MAGOHB: variants seen among roughly 807,000 people sequenced by gnomAD.
MAGOHB encodes protein mago nashi homolog 2.
In MAGOHB, 15 loss-of-function variants were observed where a neutral mutation model predicts 20.9. The ratio of observed to expected loss-of-function variants is 0.72; its 90% CI spans 0.48 to 1.11. The LOEUF (loss-of-function observed/expected upper bound fraction) is 1.11, where lower values mean the gene tolerates loss of function less well. Ranked by LOEUF, MAGOHB falls within the 50% of genes least tolerant of loss-of-function variation. The pLI is 0.00. For missense variants in MAGOHB, 162 were observed against 177.6 expected, an observed-to-expected ratio of 0.91 and a Z score of 0.50; for synonymous variants, 50 against 57.9, an observed-to-expected ratio of 0.86 and a Z score of 0.62.
downstream of MAGOHB, among the ~76,000 whole-genome samples, chr12:10,600,072 CTGTT>C (rs1221154282): frequency 6.6e-5 from 10 of 152,094 alleles, no homozygotes; most frequent in East Asian, 1.9e-3. Context: ...CTTTTTCTAT[CTGTT>C]TATTTCAAGT....
chr12:10,613,368 C>G (rs1011602694), intron 1 of MAGOHB, 71 bp downstream of exon 1: 1 of 1,355,408 alleles, frequency 7.4e-7, no homozygotes, highest in Non-Finnish European at 1.1e-6. Flanking sequence ...GCCGCCTGTA[C>G]CCTCCACACC....
intron 1 of MAGOHB, 129 bp from the exon 2 acceptor site, chr12:10,610,809 T>A: frequency 1.2e-6 from 1 of 864,242 alleles, no homozygotes; most frequent in Non-Finnish European, 1.6e-6. Flanking sequence ...CCTCCTTGTG[T>A]AAGATCATTG....
At chr12:10,602,846 G>A (rs16922006), downstream of MAGOHB, among the ~76,000 whole-genome samples, 20,631 of 151,968 alleles carry the variant, frequency 0.14, 2,513 homozygotes, top group African/African-American at 0.33. Context: ...TCAAACCTCA[G>A]TGGTTTATCA....
Position 10,610,575 on chromosome 12 carries a change from TGCAAAA to T in MAGOHB, c.153+41_153+46del, listed in dbSNP as rs780738393. On this transcript the variant is annotated intron_variant, in intron 2 of 4. Coordinates refer to ENST00000320756, the MANE Select transcript of MAGOHB (RefSeq NM_018048.5). ...ACAGACTTGAAGAAAATGGGCTAAATGCAAAAAAAAAAAAAAAAAAAAAAAAGACAT... is the reference window on the plus strand; with the variant it reads ...ACAGACTTGAAGAAAATGGGCTAAATAAAAAAAAAAAAAAAAAAAAGACAT... 8,471 of 1,200,468 alleles carry T rather than the reference TGCAAAA, an allele frequency of 7.1e-3. 132 individuals are homozygous for T. The highest frequency in any genetic ancestry group is 0.024 in the East Asian group (799 of 32,826). The allele number at this position is 1,200,468 out of a possible 1,614,324, so 74.4% of individuals were successfully genotyped here.
intron 4 of MAGOHB, among the ~76,000 whole-genome samples, chr12:10,606,970 A>G (rs1191736768): frequency 6.6e-6 from 1 of 152,184 alleles, no homozygotes; most frequent in African/African-American, 2.4e-5. Context: ...AAAAATGTCA[A>G]CAGTTTTTGA....
chr12:10,613,185 A>G (rs1479588259), intron 1 of MAGOHB, among the ~76,000 whole-genome samples: 2 of 152,218 alleles, frequency 1.3e-5, no homozygotes, highest in African/African-American at 2.4e-5. Flanking sequence ...GCGACGATCT[A>G]GAGTCCCTTC....
At chr12:10,603,950 ATC>A (rs376703021), downstream of MAGOHB, among the ~76,000 whole-genome samples, 278 of 152,336 alleles carry the variant, frequency 1.8e-3, no homozygotes, top group Middle Eastern at 0.014. Flanking sequence ...TATATAAATC[ATC>A]TCAGTTACAT....
chr12:10,609,521 ATTC>A (rs1253306020), intron 3 of MAGOHB: 23 of 396,890 alleles, frequency 5.8e-5, no homozygotes, highest in Admixed American at 5.1e-4. Context: ...ACATAGTCAT[ATTC>A]TTAATAAAAG....
intron 1 of MAGOHB, among the ~76,000 whole-genome samples, chr12:10,611,279 T>C (rs1310483873): frequency 1.3e-5 from 2 of 152,224 alleles, no homozygotes; most frequent in Non-Finnish European, 2.9e-5. Context: ...CTAGGAAGCA[T>C]ACAAACGATG....
At chr12:10,609,609 G>A (rs747890889) in intron 3 of MAGOHB, 13 of 536,514 alleles carry the variant, frequency 2.4e-5, no homozygotes, top group Non-Finnish European at 4.0e-5. Context: ...GGTGACTACA[G>A]AGAAAGATGT....
At position 10,606,017 on chromosome 12, in the gene MAGOHB, AT is replaced by A. The variant is rs144417642; in HGVS notation, c.*257del. The A allele has an allele frequency of 2.8e-3, 650 of 233,734 alleles. 3 individuals carry two copies. Among genetic ancestry groups the A allele is most frequent in the African/African-American group, 0.014 (613 of 44,546 alleles). The allele number at this position is 233,734 out of a possible 1,614,324, so 14.5% of individuals were successfully genotyped here. On this transcript the variant is annotated 3_prime_UTR_variant, in exon 5 of 5. Transcript: ENST00000320756. Reference sequence around the variant, plus strand: ...AACAAAAAACTACTCTGCAACCAGGATTTGGTATGTTTTATTAGAGCAAATT... The same window carrying A: ...AACAAAAAACTACTCTGCAACCAGGATTGGTATGTTTTATTAGAGCAAATT...
At chr12:10,606,781 T>A (rs929918354) in intron 4 of MAGOHB, among the ~76,000 whole-genome samples, 28 of 152,002 alleles carry the variant, frequency 1.8e-4, no homozygotes, top group African/African-American at 5.8e-4. Flanking sequence ...AAAAAAAAAA[T>A]TCCCTAGTAA....
intron 2 of MAGOHB, 50 bp downstream of exon 2, chr12:10,610,572 A>T: frequency 1.4e-6 from 2 of 1,400,474 alleles, no homozygotes; most frequent in Non-Finnish European, 1.9e-6. Flanking sequence ...AAAATGGGCT[A>T]AATGCAAAAA....
At position 10,605,570 on chromosome 12, in the gene MAGOHB, T is replaced by C. The variant is rs1283148079; in HGVS notation, c.*705A>G. The stretch of plus-strand genomic sequence containing the variant: ...TTATGTACATTCATACATACATATA[T>C]GTTTGTCTAAATGTTTAACAATTTA... On this transcript the variant is annotated 3_prime_UTR_variant, in exon 5 of 5. Transcript: ENST00000320756. 1 of 152,234 alleles carries C rather than the reference T, an allele frequency of 6.6e-6. No individual in the cohort carries two copies. Among genetic ancestry groups the C allele is most frequent in the African/African-American group, 2.4e-5 (1 of 41,456 alleles). 9.4% of individuals were successfully genotyped at this position (152,234 alleles called of 1,614,324 possible). A position where few individuals can be genotyped will look rare whatever the true frequency, so the allele number is the denominator to read the frequency against.
At chr12:10,610,461 C>T (rs1419843284) in intron 2 of MAGOHB, among the ~76,000 whole-genome samples, 161 bp downstream of exon 2, 1 of 151,390 alleles carries the variant, frequency 6.6e-6, no homozygotes, top group Non-Finnish European at 1.5e-5. Context: ...GATGCAAACA[C>T]TGTATCTAAT....
chr12:10,612,916 T>C, intron 1 of MAGOHB: 1 of 1,289,176 alleles, frequency 7.8e-7, no homozygotes, highest in Non-Finnish European at 1.0e-6. Context: ...TCTAAGAAGA[T>C]CTTCCTGACT....
chr12:10,613,009 A>C, intron 1 of MAGOHB: 1 of 1,152,280 alleles, frequency 8.7e-7, no homozygotes, highest in Non-Finnish European at 1.2e-6. Flanking sequence ...TAAACACCTA[A>C]AACATATTAT....
rs889840070 is a variant in MAGOHB, at chr12:10,604,678, G to C, written c.*1597C>G. The C allele has an allele frequency of 1.3e-5, 2 of 152,132 alleles. No individual in the cohort carries two copies. Among genetic ancestry groups the C allele is most frequent in the East Asian group, 1.9e-4 (1 of 5,198 alleles). The allele number at this position is 152,132 out of a possible 1,614,324, so 9.4% of individuals were successfully genotyped here. ...TCTAAATGCAAGAAAATTACAATAC[G>C]ATTTCATACTGCACAATCATCAAGG... On this transcript the variant is annotated 3_prime_UTR_variant, in exon 5 of 5. Transcript: ENST00000320756.
downstream of MAGOHB, among the ~76,000 whole-genome samples, chr12:10,600,955 A>C (rs1249270194): frequency 6.6e-6 from 1 of 152,158 alleles, no homozygotes; most frequent in Middle Eastern, 3.2e-3. Flanking sequence ...CATCTCCCAG[A>C]GGCTAATTTT....
Sources: allele counts gnomAD v4.1 joint callset (sites outside exome capture counted in the v4.1 genomes callset), GRCh38; gene constraint gnomAD v4.1.1; transcripts MANE v1.5; gene names NCBI Gene and HGNC (gene_info 2026-07-23, HGNC 2026-07-21).